Variants in CSMD1 observed in about 807,000 individuals in gnomAD.
CSMD1 encodes CUB and sushi domain-containing protein 1.
A neutral mutation model predicts 417.5 loss-of-function variants in CSMD1; 213 were observed. The observed-to-expected ratio is 0.51, with a 90% CI of 0.46 to 0.57. The LOEUF (loss-of-function observed/expected upper bound fraction) is 0.57. Among genes scored for constraint, CSMD1 ranks in the 20% least tolerant of loss-of-function variants. The probability of loss-of-function intolerance (pLI) is 0.00; values close to 1 mark genes in which losing one functional copy is unlikely to be tolerated. For missense variants in CSMD1, 6,923 were observed against 4,529.7 expected (o/e 1.53, Z -15.17); for synonymous variants, 2,862 against 1,736.8 (o/e 1.65, Z -16.11).
At chr8:4,857,936 C>T (rs944617195) in intron 1 of CSMD1, among the ~76,000 whole-genome samples, 20 of 152,002 alleles carry the variant, frequency 1.3e-4, no homozygotes, top group Admixed American at 1.2e-3. Flanking sequence ...CATTCTGATA[C>T]CAAAGCCAGG....
intron 7 of CSMD1, among the ~76,000 whole-genome samples, chr8:3,686,567 C>T (rs1028337782): frequency 2.0e-5 from 3 of 152,184 alleles, no homozygotes; most frequent in African/African-American, 7.2e-5. Flanking sequence ...ACGAAATATA[C>T]TGTCTTGATA....
At chr8:4,013,590 A>G (rs1156349146) in intron 4 of CSMD1, among the ~76,000 whole-genome samples, 1 of 152,212 alleles carries the variant, frequency 6.6e-6, no homozygotes, top group Non-Finnish European at 1.5e-5. Context: ...TTTCAACAGG[A>G]CAGCAAAGTT....
In CSMD1 at chr8:3,832,772, T is replaced by C. The variant is rs183755268; in HGVS notation, c.819-78730A>G. 6.9e-4 allele frequency among the ~76,000 whole-genome samples: 105 copies of C among 152,258 alleles called. 1 individual carries two copies. Among genetic ancestry groups the C allele is most frequent in the Middle Eastern group, 3.4e-3 (1 of 294 alleles). On this transcript the variant is annotated intron_variant, in intron 5 of 69. Transcript: ENST00000635120. Reference sequence around the variant, plus strand: ...CTAAAATATGATCAGATTTTTAACTTTCCATCTGATCCAGATTAGAAATAC... The same window carrying C: ...CTAAAATATGATCAGATTTTTAACTCTCCATCTGATCCAGATTAGAAATAC...
At chr8:4,661,555 G>T (rs1000644270) in intron 1 of CSMD1, among the ~76,000 whole-genome samples, 1 of 152,114 alleles carries the variant, frequency 6.6e-6, no homozygotes. Flanking sequence ...TAAATATTCT[G>T]TATCTCCAAT....
chr8:4,262,732 G>C (rs992869520), intron 3 of CSMD1, among the ~76,000 whole-genome samples: 1 of 152,062 alleles, frequency 6.6e-6, no homozygotes, highest in African/African-American at 2.4e-5. Context: ...CTTCCCTTTT[G>C]GCCCTGAGGT....
chr8:2,965,696 G>C (rs1241392853), intron 59 of CSMD1, 79 bp downstream of exon 59: 1 of 1,326,426 alleles, frequency 7.5e-7, no homozygotes, highest in Admixed American at 2.1e-5. Context: ...CTACATAAAT[G>C]CTTGCAAAAT....
chr8:4,426,929 G>T (rs939953196), intron 2 of CSMD1, among the ~76,000 whole-genome samples: 1 of 151,838 alleles, frequency 6.6e-6, no homozygotes, highest in African/African-American at 2.4e-5. Context: ...ATATAGAAGA[G>T]AAATTATGGT....
chr8:4,503,686 G>A (rs753512460), intron 2 of CSMD1, among the ~76,000 whole-genome samples: 1 of 152,010 alleles, frequency 6.6e-6, no homozygotes, highest in Non-Finnish European at 1.5e-5. Context: ...GCATTAACCT[G>A]GACTCGTCTA....
intron 4 of CSMD1, among the ~76,000 whole-genome samples, chr8:4,022,713 G>A (rs565552262): frequency 2.0e-5 from 3 of 152,224 alleles, no homozygotes; most frequent in African/African-American, 4.8e-5. Context: ...GAAAAGCTGT[G>A]GTGAAGTGAC....
intron 46 of CSMD1, among the ~76,000 whole-genome samples, chr8:3,103,585 T>C (rs557527267): frequency 6.6e-6 from 1 of 152,214 alleles, no homozygotes; most frequent in Admixed American, 6.5e-5. Context: ...TTCAGCTTCA[T>C]TATAATCTTA....
At chr8:4,614,604 G>A (rs757958417) in intron 2 of CSMD1, among the ~76,000 whole-genome samples, 27 of 152,084 alleles carry the variant, frequency 1.8e-4, no homozygotes, top group Admixed American at 1.0e-3. Context: ...AGGAAAGTCC[G>A]CTGAGTATGA....
chr8:4,149,264 C>T (rs972417920), intron 3 of CSMD1, among the ~76,000 whole-genome samples: 10 of 152,122 alleles, frequency 6.6e-5, no homozygotes, highest in South Asian at 2.1e-4. Flanking sequence ...ATGCCCAGCC[C>T]GTAATTTTCA....
chr8:4,220,860 G>A (rs533526772), intron 3 of CSMD1, among the ~76,000 whole-genome samples: 5 of 152,288 alleles, frequency 3.3e-5, no homozygotes, highest in South Asian at 2.1e-4. Flanking sequence ...AAGTAGCTTG[G>A]GGTAACAAGT....
intron 3 of CSMD1, among the ~76,000 whole-genome samples, chr8:4,128,378 G>C (rs1312604314): frequency 2.0e-5 from 3 of 152,182 alleles, no homozygotes; most frequent in African/African-American, 7.2e-5. Context: ...ATGGTAAACA[G>C]TACCTTCGAT....
At chr8:4,520,087 C>A in intron 2 of CSMD1, among the ~76,000 whole-genome samples, 1 of 152,064 alleles carries the variant, frequency 6.6e-6, no homozygotes, top group East Asian at 1.9e-4. Context: ...TACAGTATTG[C>A]ATTTAGTCAT....
chr8:3,181,313 A>G (rs1821309384), intron 36 of CSMD1, 99 bp from the exon 37 acceptor site: 1 of 795,032 alleles, frequency 1.3e-6, no homozygotes, highest in Non-Finnish European at 2.0e-6. Flanking sequence ...ACAAATCCCT[A>G]CAGTTTGTCT....
chr8:3,817,278 TTTTTTTTTTTTTTTTTTTTTG>T (rs1801437174), intron 5 of CSMD1, among the ~76,000 whole-genome samples: 1 of 78,790 alleles, frequency 1.3e-5, no homozygotes, highest in Admixed American at 1.2e-4. Context: ...TTTTTTTTTT[TTTTTTTTTTTTTTTTTTTTTG>T]AGATGGAGTC....
intron 7 of CSMD1, among the ~76,000 whole-genome samples, chr8:3,701,297 T>C (rs1205830682): frequency 6.6e-6 from 1 of 152,192 alleles, no homozygotes; most frequent in African/African-American, 2.4e-5. Flanking sequence ...ATGAGTGAGC[T>C]GGTTTTCTTC....
At chr8:4,572,191 G>C (rs890322556) in intron 2 of CSMD1, among the ~76,000 whole-genome samples, 1 of 152,204 alleles carries the variant, frequency 6.6e-6, no homozygotes, top group Non-Finnish European at 1.5e-5. Flanking sequence ...CACAATAGTT[G>C]ATGCAGTTTC....
Sources: allele counts gnomAD v4.1 joint callset (sites outside exome capture counted in the v4.1 genomes callset), GRCh38; gene constraint gnomAD v4.1.1; transcripts MANE v1.5; gene names NCBI Gene and HGNC (gene_info 2026-07-23, HGNC 2026-07-21).